DELE1: variants seen among roughly 807,000 people sequenced by gnomAD.
DELE1 encodes death ligand signal enhancer.
In DELE1, 54 loss-of-function variants were observed where a neutral mutation model predicts 59.3. The observed-to-expected ratio is 0.91, with a 90% CI of 0.73 to 1.14. The LOEUF (loss-of-function observed/expected upper bound fraction) is 1.14, where lower values mean the gene tolerates loss of function less well. DELE1 is among the 50% of genes most tolerant of loss of function. The pLI, the probability that DELE1 is intolerant of heterozygous loss-of-function variation, is 0.00. For missense variants in DELE1, 636 were observed against 643.9 expected, an observed-to-expected ratio of 0.99 and a Z score of 0.13; for synonymous variants, 264 against 259.1, an observed-to-expected ratio of 1.02 and a Z score of -0.18.
At chr5:141,937,027 C>A in intron 10 of DELE1, 171 bp from the exon 11 acceptor site, 1 of 1,489,740 alleles carries the variant, frequency 6.7e-7, no homozygotes. Flanking sequence ...GAGCTCTGAG[C>A]CTCTGGCATT....
At chr5:141,931,444 A>G (rs549535190) in intron 7 of DELE1, among the ~76,000 whole-genome samples, 146 of 152,312 alleles carry the variant, frequency 9.6e-4, no homozygotes, top group African/African-American at 3.4e-3. Flanking sequence ...AGGAGCAGGA[A>G]AGGGGGCAGC....
In DELE1 at chr5:141,929,739, A is replaced by G. The variant is rs571217703; in HGVS notation, c.570A>G (p.Glu190=). The change falls in exon 5 of 12, where the codon GAA becomes GAG. Residue 190 remains glutamate (E), a splice_region_variant and synonymous_variant. Transcript: ENST00000432126. ...CTCGTCCTCAGGACCCCTCTGAGGA[A>G]GGTATGTCCCTGCCTCATGGAATCA... ...RGARPQDPSE[E]GPGDFGFLHA... 1.3e-5 allele frequency: 21 copies of G among 1,614,016 alleles called. No homozygotes were observed. The African/African-American group carries it at 2.0e-4, about 15-fold the overall frequency.
At chr5:141,924,395 G>A (rs1381216731) in intron 1 of DELE1, among the ~76,000 whole-genome samples, 186 bp from the exon 2 acceptor site, 2 of 152,162 alleles carry the variant, frequency 1.3e-5, no homozygotes, top group East Asian at 3.9e-4. Flanking sequence ...TCACATGGGC[G>A]CTTTTAAAAA....
intron 3 of DELE1, among the ~76,000 whole-genome samples, chr5:141,926,814 T>C (rs1461145727): frequency 1.3e-5 from 2 of 152,214 alleles, no homozygotes; most frequent in Non-Finnish European, 2.9e-5. Flanking sequence ...GGCTGTCCCA[T>C]AGTGAGAAGT....
chr5:141,940,237 A>C lies in DELE1; in HGVS notation c.*1478A>C, dbSNP rs576911459. 1.7e-5 allele frequency: 17 copies of C among 985,098 alleles called. No homozygotes were observed. The highest frequency in any genetic ancestry group is 1.9e-5 in the Non-Finnish European group (16 of 829,916). 61.0% of individuals were successfully genotyped at this position (985,098 alleles called of 1,614,324 possible). On this transcript the variant is annotated 3_prime_UTR_variant, in exon 12 of 12. Transcript: ENST00000432126. ...GCTGAGGCTCCGTCCTCATCTCTAA[A>C]CTCTCCACTAACCAATTTAAAGGAT...
chr5:141,924,928 T>C (rs1257976336), intron 2 of DELE1, among the ~76,000 whole-genome samples: 2 of 151,120 alleles, frequency 1.3e-5, no homozygotes, highest in Non-Finnish European at 3.0e-5. Context: ...CTAATTTTTA[T>C]TTTATTTTAT....
In DELE1 at chr5:141,940,670, G is replaced by T; in HGVS notation, c.*1911G>T. Reference sequence around the variant, plus strand: ...TGCTCCCTGCCTCCTTTTCAGGGCTGCCCTGCACACTGGCTCACCACTGTT... The same window carrying T: ...TGCTCCCTGCCTCCTTTTCAGGGCTTCCCTGCACACTGGCTCACCACTGTT... On this transcript the variant is annotated 3_prime_UTR_variant, in exon 12 of 12. Coordinates refer to ENST00000432126, the MANE Select transcript of DELE1 (RefSeq NM_014773.5). 1.0e-6 allele frequency: 1 copy of T among 984,334 alleles called. No individual in the cohort carries two copies. The highest frequency in any genetic ancestry group is 1.2e-6 in the Non-Finnish European group (1 of 828,750). The allele number at this position is 984,334 out of a possible 1,614,324, so 61.0% of individuals were successfully genotyped here.
intron 5 of DELE1, 24 bp from the exon 6 acceptor site, chr5:141,929,965 C>A (rs746779925): frequency 6.2e-7 from 1 of 1,608,590 alleles, no homozygotes; most frequent in South Asian, 1.1e-5. Context: ...TTGCCCTGGC[C>A]GGGTGTCGGC....
rs981216351 is a variant in DELE1, at chr5:141,940,353, A to G, written c.*1594A>G. 3 of 985,332 alleles carry G rather than the reference A, an allele frequency of 3.0e-6. No individual in the cohort carries two copies. Among genetic ancestry groups the G allele is most frequent in the Non-Finnish European group, 3.6e-6 (3 of 829,942 alleles). 61.0% of individuals were successfully genotyped at this position (985,332 alleles called of 1,614,324 possible). ...CCAGTTACTGAATTTGTGAATAGCT[A>G]TTCCCTGGCTTCTGGATGTTAGCCC... On this transcript the variant is annotated 3_prime_UTR_variant, in exon 12 of 12. Transcript: ENST00000432126.
At chr5:141,926,042 G>C (rs1328793341) in intron 3 of DELE1, among the ~76,000 whole-genome samples, 1 of 151,934 alleles carries the variant, frequency 6.6e-6, no homozygotes, top group East Asian at 1.9e-4. Context: ...ACCACGCCTG[G>C]ATAATTTTTG....
intron 4 of DELE1, 46 bp from the exon 5 acceptor site, chr5:141,929,536 C>A (rs1751712846): frequency 6.3e-7 from 1 of 1,594,764 alleles, no homozygotes; most frequent in Non-Finnish European, 8.6e-7. Flanking sequence ...AGGTGTGAGC[C>A]ATCGCGCCTG....
rs543188591 is a variant in DELE1, at chr5:141,938,865, C to G, written c.*106C>G. The G allele has an allele frequency of 6.7e-7, 1 of 1,495,248 alleles. No individual in the cohort carries two copies. Among genetic ancestry groups the G allele is most frequent in the African/African-American group, 1.4e-5 (1 of 71,574 alleles). The allele number at this position is 1,495,248 out of a possible 1,614,324, so 92.6% of individuals were successfully genotyped here. On this transcript the variant is annotated 3_prime_UTR_variant, in exon 12 of 12. Transcript: ENST00000432126. ...AACCCTTTCCAGGTAGAAATTCCAGCGGGAGTTCAGGTTCCCAAGCAATTT... is the reference window on the plus strand; with the variant it reads ...AACCCTTTCCAGGTAGAAATTCCAGGGGGAGTTCAGGTTCCCAAGCAATTT...
At position 141,925,592 on chromosome 5, in the gene DELE1, C is replaced by T. The variant is rs192896251; in HGVS notation, c.264+65C>T. On this transcript the variant is annotated intron_variant, in intron 3 of 11. Coordinates refer to ENST00000432126, the MANE Select transcript of DELE1 (RefSeq NM_014773.5). The stretch of plus-strand genomic sequence containing the variant: ...ATGAGAATGATCCTTCATGGGTATA[C>T]AGCCGAACCTGGAACAAGGGCTAGG... 2,645 of 969,730 alleles carry T rather than the reference C, an allele frequency of 2.7e-3. 8 individuals are homozygous for T. Among genetic ancestry groups the T allele is most frequent in the Middle Eastern group, 0.012 (55 of 4,478 alleles). 60.1% of individuals were successfully genotyped at this position (969,730 alleles called of 1,614,324 possible).
Position 141,930,015 on chromosome 5 carries a change from G to A in DELE1, c.598G>A (p.Ala200Thr). 1 of 1,614,214 alleles carries A rather than the reference G, an allele frequency of 6.2e-7. No individual in the cohort carries two copies. The highest frequency in any genetic ancestry group is 8.5e-7 in the Non-Finnish European group (1 of 1,180,044). The change falls in exon 6 of 12, where the codon GCC becomes ACC. Residue 200 changes from alanine (A) to threonine (T), a missense_variant. Ala to Thr is a moderately conservative substitution (Grantham distance 58, BLOSUM62 0). Coordinates refer to ENST00000432126, the MANE Select transcript of DELE1 (RefSeq NM_014773.5). ...TCCCGGTGATTTTGGCTTCCTGCATGCCAGTAGTAGCATCGAGTCCGAGGC... is the reference window on the plus strand; with the variant it reads ...TCCCGGTGATTTTGGCTTCCTGCATACCAGTAGTAGCATCGAGTCCGAGGC... Reference protein sequence around the residue: ...EGPGDFGFLHASSSIESEAKP... With the variant: ...EGPGDFGFLHTSSSIESEAKP...
Position 141,928,243 on chromosome 5 carries a change from C to G in DELE1, c.357C>G (p.Ser119=). ...GACCTCAGCGGGTAGAACACTGCTC[C>G]TGGCACAGTCCCCTGGACCGTTTCT... ...PAGPQRVEHC[S]WHSPLDRFFS... The change falls in exon 4 of 12, where the codon TCC becomes TCG. Residue 119 remains serine, a synonymous_variant. Coordinates refer to ENST00000432126, the MANE Select transcript of DELE1 (RefSeq NM_014773.5). 1 of 1,614,230 alleles carries G rather than the reference C, an allele frequency of 6.2e-7. No homozygotes were observed. The highest frequency in any genetic ancestry group is 8.5e-7 in the Non-Finnish European group (1 of 1,180,034).
chr5:141,930,027 A>G lies in DELE1; in HGVS notation c.610A>G (p.Ile204Val). The change falls in exon 6 of 12, where the codon ATC becomes GTC. Residue 204 changes from isoleucine to valine, a missense_variant. Ile to Val is a conservative substitution (Grantham distance 29). Transcript: ENST00000432126. ...DFGFLHASSSIESEAKPAQPQ... is the reference protein window; with the variant it reads ...DFGFLHASSSVESEAKPAQPQ... ...TGGCTTCCTGCATGCCAGTAGTAGC[A>G]TCGAGTCCGAGGCAAAACCAGCCCA... 1.9e-6 allele frequency: 3 copies of G among 1,614,186 alleles called. No individual in the cohort carries two copies. Among genetic ancestry groups the G allele is most frequent in the Middle Eastern group, 1.7e-4 (1 of 6,058 alleles).
At chr5:141,930,120 G>A in intron 6 of DELE1, 46 bp downstream of exon 6, 1 of 1,606,052 alleles carries the variant, frequency 6.2e-7, no homozygotes, top group Non-Finnish European at 8.5e-7. Context: ...CATTCTCTTG[G>A]GCAGGTGGCA....
At chr5:141,929,105 C>T (rs1751664516) in intron 4 of DELE1, among the ~76,000 whole-genome samples, 1 of 152,162 alleles carries the variant, frequency 6.6e-6, no homozygotes, top group South Asian at 2.1e-4. Context: ...CTAGACTCCT[C>T]TGGAGGGAAG....
At chr5:141,935,151 A>G (rs528682622) in intron 10 of DELE1, among the ~76,000 whole-genome samples, 2 of 152,294 alleles carry the variant, frequency 1.3e-5, no homozygotes, top group South Asian at 4.1e-4. Flanking sequence ...TAAACAGGGA[A>G]CACTGCTCAG....
Sources: allele counts gnomAD v4.1 joint callset (sites outside exome capture counted in the v4.1 genomes callset), GRCh38; gene constraint gnomAD v4.1.1; transcripts MANE v1.5; gene names NCBI Gene and HGNC (gene_info 2026-07-23, HGNC 2026-07-21).